DLGAP4: variants seen among roughly 807,000 people sequenced by gnomAD.
DLGAP4 encodes the protein disks large-associated protein 4.
Under a neutral mutation model 86.9 loss-of-function variants are expected in DLGAP4, and 18 were observed. The ratio of observed to expected loss-of-function variants is 0.21; its 90% confidence interval spans 0.14 to 0.31. DLGAP4 has a LOEUF of 0.31. Among genes scored for constraint, DLGAP4 ranks in the 10% least tolerant of loss-of-function variants. The pLI is 1.00. For missense variants in DLGAP4, 1,085 were observed against 1,362.6 expected (o/e 0.80, Z 3.21); for synonymous variants, 548 against 574.3 (o/e 0.95, Z 0.65).
At position 36,446,709 on chromosome 20, in the gene DLGAP4, G is replaced by A; in HGVS notation, c.1420G>A (p.Glu474Lys). 1 of 1,604,688 alleles carries A rather than the reference G, an allele frequency of 6.2e-7. No homozygotes were observed. Among genetic ancestry groups the A allele is most frequent in the South Asian group, 1.1e-5 (1 of 90,750 alleles). Residue 474 changes from glutamate (E) to lysine (K), a missense_variant, in exon 7 of 13, where the codon GAG becomes AAG. Transcript: ENST00000339266. ...FGHEQQVREA[E>K]LSDQYEAACE... is the part of the protein sequence containing the mutation. The stretch of plus-strand genomic sequence containing the variant: ...TTTGCCTGGACAGGTACGGGAGGCA[G>A]AGCTGAGTGACCAGTATGAGGCGGC...
At chr20:36,424,080 C>T (rs11905064) in intron 2 of DLGAP4, among the ~76,000 whole-genome samples, 2,480 of 152,280 alleles carry the variant, frequency 0.016, 58 homozygotes, top group African/African-American at 0.056. Flanking sequence ...AATCCAGTTC[C>T]GTCCTATCTC....
At chr20:36,420,495 A>C (rs2147518190) in intron 2 of DLGAP4, among the ~76,000 whole-genome samples, 1 of 152,300 alleles carries the variant, frequency 6.6e-6, no homozygotes, top group African/African-American at 2.4e-5. Context: ...GGACAGAATG[A>C]AGACCCAAGG....
intron 1 of DLGAP4, among the ~76,000 whole-genome samples, chr20:36,325,528 T>C (rs1745765778): frequency 6.6e-6 from 1 of 152,178 alleles, no homozygotes; most frequent in African/African-American, 2.4e-5. Context: ...CTACCAATTA[T>C]TGAGAGAGAG....
Position 36,340,060 on chromosome 20 carries a change from A to G in DLGAP4, c.-303-26985A>G, listed in dbSNP as rs975016943. Among the ~76,000 whole-genome samples, 9 of 152,260 alleles carry G rather than the reference A, an allele frequency of 5.9e-5. No homozygotes were observed. In the South Asian group the frequency reaches 6.2e-4, roughly 11 times the overall value. ...GCATATTCATGATCTTGCCGCCCAC[A>G]TGAATATGCTAATCAACCCTGTGGG... On this transcript the variant is annotated intron_variant, in intron 1 of 12. Coordinates refer to ENST00000339266, the MANE Select transcript of DLGAP4 (RefSeq NM_001365621.2).
chr20:36,494,185 G>T (rs759530007), intron 7 of DLGAP4, among the ~76,000 whole-genome samples: 3 of 152,146 alleles, frequency 2.0e-5, no homozygotes, highest in Non-Finnish European at 2.9e-5. Context: ...TCAAACAGAC[G>T]AGTAGGAAGT....
chr20:36,506,994 C>T (rs2036412537), intron 10 of DLGAP4, among the ~76,000 whole-genome samples: 1 of 152,170 alleles, frequency 6.6e-6, no homozygotes, highest in Non-Finnish European at 1.5e-5. Context: ...GTCACAATTC[C>T]CTCCCTTGTT....
intron 7 of DLGAP4, among the ~76,000 whole-genome samples, chr20:36,467,072 C>A (rs1295811): frequency 2.2e-5 from 3 of 137,634 alleles, no homozygotes; most frequent in African/African-American, 8.2e-5. Context: ...CTCCCCCCCC[C>A]TTCTCTCGGC....
At chr20:36,417,433 G>C (rs1254521568) in intron 2 of DLGAP4, among the ~76,000 whole-genome samples, 1 of 152,074 alleles carries the variant, frequency 6.6e-6, no homozygotes, top group Non-Finnish European at 1.5e-5. Context: ...CCAGTCTGGA[G>C]TATAGTGGCA....
chr20:36,333,804 G>C (rs1021487213), intron 1 of DLGAP4, among the ~76,000 whole-genome samples: 8 of 152,210 alleles, frequency 5.3e-5, no homozygotes, highest in Non-Finnish European at 8.8e-5. Context: ...CTGTTACTGA[G>C]GATGCACTGA....
chr20:36,438,323 G>A (rs2033344073), intron 4 of DLGAP4, among the ~76,000 whole-genome samples: 1 of 151,494 alleles, frequency 6.6e-6, no homozygotes, highest in South Asian at 2.1e-4. Flanking sequence ...GCAGGGAGCT[G>A]AGATCGTGCC....
intron 7 of DLGAP4, among the ~76,000 whole-genome samples, chr20:36,467,764 G>A (rs867464781): frequency 2.2e-4 from 34 of 152,330 alleles, no homozygotes; most frequent in African/African-American, 7.9e-4. Flanking sequence ...TTGCTGGTTT[G>A]GGGCAGGAAG....
intron 7 of DLGAP4, among the ~76,000 whole-genome samples, chr20:36,470,811 A>T (rs1157785741): frequency 6.6e-6 from 1 of 152,176 alleles, no homozygotes; most frequent in Non-Finnish European, 1.5e-5. Flanking sequence ...ATACAGGTTC[A>T]TGGCCACCTT....
intron 12 of DLGAP4, among the ~76,000 whole-genome samples, chr20:36,526,281 A>G (rs981887257): frequency 2.6e-5 from 4 of 151,620 alleles, no homozygotes; most frequent in Non-Finnish European, 5.9e-5. Flanking sequence ...CAATCACGTT[A>G]TAACAGAGGA....
intron 7 of DLGAP4, among the ~76,000 whole-genome samples, chr20:36,467,066 C>G (rs867946375): frequency 2.1e-5 from 3 of 141,238 alleles, no homozygotes; most frequent in South Asian, 2.3e-4. Context: ...CTCTCTCTCC[C>G]CCCCCCTTCT....
chr20:36,391,695 G>A (rs2031788352), intron 2 of DLGAP4, among the ~76,000 whole-genome samples: 1 of 152,150 alleles, frequency 6.6e-6, no homozygotes, highest in South Asian at 2.1e-4. Context: ...CTTGCAAATG[G>A]AACAGCGCCC....
rs2034329367 is a variant in DLGAP4, at chr20:36,465,898, C to A, written c.1648+18961C>A. 2.0e-5 allele frequency among the ~76,000 whole-genome samples: 3 copies of A among 152,266 alleles called. No individual in the cohort carries two copies. In the South Asian group the frequency reaches 6.2e-4, roughly 32 times the overall value. ...CTCTTCCCCTATAGTGCCCTCTCTT[C>A]CCCTAGAGGCCCACACTGTCAAATG... On this transcript the variant is annotated intron_variant, in intron 7 of 12. Transcript: ENST00000339266.
chr20:36,429,505 A>G (rs1286130361), intron 2 of DLGAP4, among the ~76,000 whole-genome samples: 1 of 146,354 alleles, frequency 6.8e-6, no homozygotes, highest in East Asian at 2.0e-4. Flanking sequence ...CCTGGGCTCA[A>G]GTGATTCTCC....
intron 7 of DLGAP4, among the ~76,000 whole-genome samples, chr20:36,472,709 G>A (rs549496201): frequency 2.0e-5 from 3 of 152,072 alleles, no homozygotes; most frequent in South Asian, 2.1e-4. Context: ...TGTTCTAGTC[G>A]TAAAGTTTCA....
intron 5 of DLGAP4, among the ~76,000 whole-genome samples, chr20:36,440,858 G>A (rs2033426962): frequency 6.6e-6 from 1 of 151,964 alleles, no homozygotes; most frequent in South Asian, 2.1e-4. Context: ...CTCTCAGCAG[G>A]AACAGGCCAC....
Sources: gnomAD v4.1 joint callset for allele counts (sites outside exome capture counted in the v4.1 genomes callset) on GRCh38, gnomAD v4.1.1 for gene constraint, MANE v1.5 for transcripts, NCBI Gene and HGNC (gene_info 2026-07-23, HGNC 2026-07-21) for gene names.